The following DOCK5 variants were observed in gnomAD, a reference collection of about 807,000 sequenced individuals.
DOCK5 encodes dedicator of cytokinesis protein 5.
Under a neutral mutation model 251.8 loss-of-function variants are expected in DOCK5, and 142 were observed. The ratio of observed to expected loss-of-function variants is 0.56; its 90% CI spans 0.49 to 0.65. The LOEUF is 0.65. Ranked by LOEUF, DOCK5 falls within the 30% of genes least tolerant of loss-of-function variation. The pLI, the probability that DOCK5 is intolerant of heterozygous loss-of-function variation, is 0.00. For missense variants in DOCK5, 2,111 were observed against 2,312.3 expected (o/e 0.91, Z 1.79); for synonymous variants, 842 against 835.5 (o/e 1.01, Z -0.13).
chr8:25,343,566 A>C (rs1395959987), intron 25 of DOCK5, among the ~76,000 whole-genome samples: 1 of 152,224 alleles, frequency 6.6e-6, no homozygotes, highest in African/African-American at 2.4e-5. Flanking sequence ...GGAAGTAACA[A>C]GCAAGTAGGA....
At chr8:25,332,794 A>G in intron 20 of DOCK5, 102 bp downstream of exon 20, 5 of 825,478 alleles carry the variant, frequency 6.1e-6, no homozygotes, top group East Asian at 2.8e-5. Flanking sequence ...TCACATAAAT[A>G]TTTGTTTACA....
chr8:25,275,056 A>T (rs1230751910), intron 3 of DOCK5, among the ~76,000 whole-genome samples: 1 of 152,076 alleles, frequency 6.6e-6, no homozygotes, highest in Non-Finnish European at 1.5e-5. Flanking sequence ...GAAGCATCTC[A>T]TGGCAAGTAG....
intron 27 of DOCK5, among the ~76,000 whole-genome samples, chr8:25,357,604 C>T (rs191334375): frequency 1.4e-3 from 220 of 152,166 alleles, no homozygotes; most frequent in African/African-American, 4.8e-3. Flanking sequence ...TCTCAAACTC[C>T]TGACCTCAAG....
intron 3 of DOCK5, among the ~76,000 whole-genome samples, chr8:25,274,912 T>C (rs1586286115): frequency 6.6e-6 from 1 of 152,190 alleles, no homozygotes; most frequent in East Asian, 1.9e-4. Flanking sequence ...CTTGAGTATG[T>C]GTGGATTTGG....
chr8:25,316,641 T>C (rs1266177331), intron 13 of DOCK5, among the ~76,000 whole-genome samples: 1 of 152,168 alleles, frequency 6.6e-6, no homozygotes, highest in Non-Finnish European at 1.5e-5. Context: ...CAATAGACAA[T>C]TGCCTTCATT....
chr8:25,317,962 G>A (rs1805303333), intron 14 of DOCK5, among the ~76,000 whole-genome samples: 1 of 152,152 alleles, frequency 6.6e-6, no homozygotes, highest in Non-Finnish European at 1.5e-5. Flanking sequence ...AAAAGGATGA[G>A]TTATTGTCTC....
chr8:25,372,855 A>C, intron 35 of DOCK5, 137 bp downstream of exon 35: 1 of 787,056 alleles, frequency 1.3e-6, no homozygotes, highest in East Asian at 3.2e-5. Context: ...TCCTAAGTCT[A>C]ATTGGAATGG....
chr8:25,407,215 GTAGTAATCTAGATTCTAGATTACTTC>G (rs951724203), intron 48 of DOCK5, among the ~76,000 whole-genome samples: 40 of 151,958 alleles, frequency 2.6e-4, no homozygotes, highest in African/African-American at 8.9e-4. Flanking sequence ...TTTCTAGAAT[GTAGTAATCTAGATTCTAGATTACTTC>G]TAGAATCTAG....
chr8:25,268,280 T>C (rs1803816799), intron 2 of DOCK5, among the ~76,000 whole-genome samples: 1 of 152,196 alleles, frequency 6.6e-6, no homozygotes, highest in South Asian at 2.1e-4. Context: ...TTGCACGTAA[T>C]TTTGTTTTAT....
intron 32 of DOCK5, 126 bp from the exon 33 acceptor site, chr8:25,368,445 G>T (rs1800816904): frequency 8.5e-7 from 1 of 1,171,234 alleles, no homozygotes; most frequent in East Asian, 2.5e-5. Flanking sequence ...ATCAGAATCT[G>T]AGTCACTCAC....
intron 2 of DOCK5, among the ~76,000 whole-genome samples, chr8:25,245,613 C>T (rs1367314669): frequency 1.3e-5 from 2 of 150,582 alleles, no homozygotes; most frequent in African/African-American, 4.9e-5. Flanking sequence ...AATCTGAGCT[C>T]ACTGCAACCT....
At chr8:25,305,184 A>G (rs974136541) in intron 11 of DOCK5, 6 of 152,180 alleles carry the variant, frequency 3.9e-5, no homozygotes, top group Non-Finnish European at 8.8e-5. Flanking sequence ...ACTGCAGACA[A>G]GTAGAACAAA....
chr8:25,289,958 C>T (rs1243394282), intron 5 of DOCK5, among the ~76,000 whole-genome samples: 1 of 152,166 alleles, frequency 6.6e-6, no homozygotes, highest in Admixed American at 6.5e-5. Flanking sequence ...TCTCTGAACG[C>T]AGTACCTAAA....
rs142133777 is a variant in DOCK5 at position 25,372,616 on chromosome 8, C to T, written c.3582C>T (p.Ala1194=). ...KYLSSSGEVF[A]LLVSSLLENL... is the part of the protein sequence containing the mutation. Reference sequence around the variant, plus strand: ...TCTCCAGCTCTGGGGAGGTCTTCGCCCTCCTGGTCAGCAGCCTCTTAGAGA... The same window carrying T: ...TCTCCAGCTCTGGGGAGGTCTTCGCTCTCCTGGTCAGCAGCCTCTTAGAGA... Residue 1194 remains alanine (A), a synonymous_variant, in exon 35 of 52, where the codon GCC becomes GCT. Transcript: ENST00000276440. 5 of 1,605,592 alleles carry T rather than the reference C, an allele frequency of 3.1e-6. No homozygotes were observed. In the African/African-American group the frequency reaches 5.4e-5, roughly 17 times the overall value.
intron 1 of DOCK5, among the ~76,000 whole-genome samples, chr8:25,198,134 A>G (rs1156799694): frequency 6.6e-6 from 1 of 152,220 alleles, no homozygotes; most frequent in Non-Finnish European, 1.5e-5. Context: ...TGACTCAGCC[A>G]AGGTGCATTA....
intron 46 of DOCK5, among the ~76,000 whole-genome samples, 191 bp from the exon 47 acceptor site, chr8:25,400,738 G>A (rs1801424814): frequency 6.6e-6 from 1 of 152,116 alleles, no homozygotes; most frequent in Admixed American, 6.5e-5. Context: ...TATTCTTGGT[G>A]TGCACATTTT....
chr8:25,390,417 G>A, intron 42 of DOCK5, 130 bp downstream of exon 42: 2 of 748,494 alleles, frequency 2.7e-6, no homozygotes, highest in Non-Finnish European at 4.2e-6. Context: ...GACCAGCCTG[G>A]GCAACAAAGT....
At chr8:25,355,703 G>GCAT (rs1800555224) in intron 27 of DOCK5, among the ~76,000 whole-genome samples, 2 of 152,084 alleles carry the variant, frequency 1.3e-5, no homozygotes, top group South Asian at 4.1e-4. Context: ...ACCCGCCTTA[G>GCAT]CATCCTAAAG....
intron 5 of DOCK5, among the ~76,000 whole-genome samples, chr8:25,281,337 A>G: frequency 6.6e-6 from 1 of 151,122 alleles, no homozygotes. Context: ...CTGAGGCAGG[A>G]GAATCGCAGG....
Sources: gnomAD v4.1 joint callset for allele counts (sites outside exome capture counted in the v4.1 genomes callset) on GRCh38, gnomAD v4.1.1 for gene constraint, MANE v1.5 for transcripts, NCBI Gene and HGNC (gene_info 2026-07-23, HGNC 2026-07-21) for gene names.